The following ARHGEF17 variants were observed in gnomAD, a reference collection of about 807,000 sequenced individuals.
ARHGEF17 encodes 164 kDa Rho-specific guanine-nucleotide exchange factor.
A neutral mutation model predicts 174.0 loss-of-function variants in ARHGEF17; 80 were observed. That is an observed-to-expected ratio of 0.46 (90% CI 0.38 to 0.55). The LOEUF (loss-of-function observed/expected upper bound fraction) is 0.55, where lower values mean the gene tolerates loss of function less well. Among genes scored for constraint, ARHGEF17 ranks in the 20% least tolerant of loss-of-function variants. The pLI, the probability that ARHGEF17 is intolerant of heterozygous loss-of-function variation, is 0.00. For synonymous variants in ARHGEF17, 1,311 were observed against 1,189.1 expected, an observed-to-expected ratio of 1.10 and a Z score of -2.11; for missense variants, 2,886 against 2,839.7, an observed-to-expected ratio of 1.02 and a Z score of -0.37.
intron 1 of ARHGEF17, among the ~76,000 whole-genome samples, chr11:73,313,458 T>C (rs73540801): frequency 0.016 from 2,402 of 152,232 alleles, 79 homozygotes; most frequent in African/African-American, 0.055. Flanking sequence ...AGACTGAAGG[T>C]GGGTTGGGGG....
chr11:73,363,662 G>A, intron 15 of ARHGEF17, 85 bp from the exon 16 acceptor site: 1 of 1,560,708 alleles, frequency 6.4e-7, no homozygotes. Flanking sequence ...TGAAGACGTG[G>A]TGCTAGGGGC....
chr11:73,326,904 A>C (rs1565192525), intron 1 of ARHGEF17, among the ~76,000 whole-genome samples: 1 of 152,190 alleles, frequency 6.6e-6, no homozygotes, highest in East Asian at 1.9e-4. Flanking sequence ...GGACTCAGTC[A>C]GGAAATCTCT....
chr11:73,318,828 G>C (rs1007668254), intron 1 of ARHGEF17, among the ~76,000 whole-genome samples: 63 of 152,208 alleles, frequency 4.1e-4, no homozygotes, highest in Non-Finnish European at 5.9e-5. Flanking sequence ...ACATCTAGTG[G>C]TTGAAAACAA....
At chr11:73,312,555 C>G (rs1225930137) in intron 1 of ARHGEF17, among the ~76,000 whole-genome samples, 5 of 152,042 alleles carry the variant, frequency 3.3e-5, no homozygotes, top group Non-Finnish European at 1.5e-5. Context: ...GAGTTGGGGA[C>G]TCTTGGGGCC....
intron 1 of ARHGEF17, among the ~76,000 whole-genome samples, chr11:73,321,934 G>C (rs1006405108): frequency 2.0e-5 from 3 of 152,164 alleles, no homozygotes; most frequent in East Asian, 3.9e-4. Flanking sequence ...TGGTTCCCAG[G>C]GGGTGAGCAG....
intron 5 of ARHGEF17, 61 bp from the exon 6 acceptor site, chr11:73,356,114 C>A: frequency 6.3e-7 from 1 of 1,597,614 alleles, no homozygotes. Context: ...CCTCCTGCTC[C>A]AGCAGTCTGG....
intron 1 of ARHGEF17, among the ~76,000 whole-genome samples, chr11:73,328,300 G>T (rs115017399): frequency 6.6e-6 from 1 of 152,208 alleles, no homozygotes; most frequent in Non-Finnish European, 1.5e-5. Context: ...GACTCTGCAG[G>T]CTGGGGGCTC....
chr11:73,352,748 T>G, intron 2 of ARHGEF17, 82 bp from the exon 3 acceptor site: 2 of 1,503,308 alleles, frequency 1.3e-6, no homozygotes, highest in South Asian at 2.3e-5. Flanking sequence ...TGATTCTGTG[T>G]GCACTCACAC....
chr11:73,352,652 GA>G (rs1463027419), intron 2 of ARHGEF17, among the ~76,000 whole-genome samples, 177 bp from the exon 3 acceptor site: 1 of 152,180 alleles, frequency 6.6e-6, no homozygotes, highest in African/African-American at 2.4e-5. Flanking sequence ...ATGAGGGCAT[GA>G]GCTTAGATCT....
chr11:73,309,207 G>A lies in ARHGEF17; in HGVS notation c.569G>A (p.Gly190Glu). Reference sequence around the variant, plus strand: ...CTGCGTTCGGCGCGGCCCCTGACCGGGCCGGAGACCGAAGGGAGGCTGCGC... The same window carrying A: ...CTGCGTTCGGCGCGGCCCCTGACCGAGCCGGAGACCGAAGGGAGGCTGCGC... Reference protein sequence around the residue: ...AGLRSARPLTGPETEGRLRRP... With the variant: ...AGLRSARPLTEPETEGRLRRP... Residue 190 changes from glycine to glutamate, a missense_variant, in exon 1 of 21, where the codon GGG (glycine) becomes GAG (glutamate). Transcript: ENST00000263674. 1.3e-6 allele frequency: 2 copies of A among 1,597,080 alleles called. No individual in the cohort carries two copies. The highest frequency in any genetic ancestry group is 1.7e-6 in the Non-Finnish European group (2 of 1,171,930).
intron 20 of ARHGEF17, among the ~76,000 whole-genome samples, 183 bp from the exon 21 acceptor site, chr11:73,367,401 C>A (rs999212560): frequency 9.9e-5 from 15 of 152,208 alleles, no homozygotes; most frequent in African/African-American, 3.4e-4. Context: ...CATAAGAAGT[C>A]TGGCTGCCAA....
intron 1 of ARHGEF17, among the ~76,000 whole-genome samples, chr11:73,314,018 A>G (rs904424085): frequency 2.0e-5 from 3 of 152,222 alleles, no homozygotes; most frequent in Non-Finnish European, 1.5e-5. Flanking sequence ...GGACTGCAGT[A>G]GCCTCTGAGA....
intron 1 of ARHGEF17, among the ~76,000 whole-genome samples, chr11:73,327,018 C>T (rs902352521): frequency 6.6e-6 from 1 of 152,232 alleles, no homozygotes; most frequent in Admixed American, 6.5e-5. Context: ...GCCAGGCTCC[C>T]TGGGCAGGGG....
rs1865863117 is a variant in ARHGEF17 at position 73,367,653 on chromosome 11, C to G, written c.6065C>G (p.Pro2022Arg). 6.2e-7 allele frequency: 1 copy of G among 1,613,976 alleles called. No individual in the cohort carries two copies. The highest frequency in any genetic ancestry group is 1.1e-5 in the South Asian group (1 of 91,090). Residue 2022 changes from proline (P) to arginine (R), a missense_variant, in exon 21 of 21, where the codon CCT (proline) becomes CGT (arginine). Around this residue, in one of 4 missense-constraint regions of ARHGEF17, gnomAD observed 329 missense variants for 435.2 expected, o/e 0.76. Coordinates refer to ENST00000263674, the MANE Select transcript of ARHGEF17 (RefSeq NM_014786.4). ...PWHRGPAPARPKMLVISGGDG... is the reference protein window; with the variant it reads ...PWHRGPAPARRKMLVISGGDG... ...CACCGAGGCCCCGCCCCTGCCAGGC[C>G]TAAAATGCTGGTTATCAGTGGAGGT...
At chr11:73,319,109 G>T (rs1257530935) in intron 1 of ARHGEF17, among the ~76,000 whole-genome samples, 16 of 149,418 alleles carry the variant, frequency 1.1e-4, no homozygotes, top group African/African-American at 3.7e-4. Flanking sequence ...TTGTTGCCAG[G>T]CTGGAGTACA....
Position 73,365,467 on chromosome 11 carries a change from A to G in ARHGEF17, c.5628A>G (p.Thr1876=), listed in dbSNP as rs780577053. Residue 1876 remains threonine, a synonymous_variant, in exon 19 of 21, where the codon ACA becomes ACG. Coordinates refer to ENST00000263674, the MANE Select transcript of ARHGEF17 (RefSeq NM_014786.4). The surrounding 1 kb of genome is among the most constrained non-coding windows in gnomAD (Gnocchi z 4.9). Reference sequence around the variant, plus strand: ...ACTCCAGCCTGGGTGTGTGGGTGACATTGAAAGGTAGTGCCCACGTGTGTC... The same window carrying G: ...ACTCCAGCCTGGGTGTGTGGGTGACGTTGAAAGGTAGTGCCCACGTGTGTC... ...MVDSSLGVWV[T]LKGSAHVCLY... 4.3e-6 allele frequency: 7 copies of G among 1,614,056 alleles called. No homozygotes were observed. In the East Asian group the frequency reaches 1.3e-4, roughly 31 times the overall value.
intron 3 of ARHGEF17, chr11:73,353,346 CAGAT>C (rs1865587290): frequency 2.7e-6 from 1 of 367,060 alleles, no homozygotes; most frequent in Admixed American, 4.0e-5. Context: ...ACCCAGACCT[CAGAT>C]GGATGCTGGT....
At chr11:73,325,408 G>A (rs1268072175) in intron 1 of ARHGEF17, among the ~76,000 whole-genome samples, 3 of 152,184 alleles carry the variant, frequency 2.0e-5, no homozygotes, top group Admixed American at 6.5e-5. Context: ...GTAGAGAGGA[G>A]CCCTGCTGGA....
chr11:73,314,549 G>A (rs1379078165), intron 1 of ARHGEF17, among the ~76,000 whole-genome samples: 1 of 152,246 alleles, frequency 6.6e-6, no homozygotes, highest in East Asian at 1.9e-4. Flanking sequence ...GAGGGAGTCA[G>A]CCTGCAGGGG....
Sources: gnomAD v4.1 joint callset for allele counts (sites outside exome capture counted in the v4.1 genomes callset) on GRCh38, gnomAD v4.1.1 for gene constraint, gnomAD v4.1.1 regional missense constraint, Gnocchi (gnomAD v3.1) non-coding constraint, MANE v1.5 for transcripts, NCBI Gene and HGNC (gene_info 2026-07-23, HGNC 2026-07-21) for gene names.